CCDC7: variants seen among roughly 807,000 people sequenced by gnomAD.
CCDC7 encodes coiled-coil domain-containing protein 7.
Under a neutral mutation model 196.9 loss-of-function variants are expected in CCDC7, and 183 were observed. The ratio of observed to expected loss-of-function variants is 0.93; its 90% CI spans 0.82 to 1.05. The LOEUF (loss-of-function observed/expected upper bound fraction) is 1.05, where lower values mean the gene tolerates loss of function less well. Among genes scored for constraint, CCDC7 ranks in the 50% least tolerant of loss-of-function variants. The probability of loss-of-function intolerance (pLI) is 0.00; values close to 1 mark genes in which losing one functional copy is unlikely to be tolerated. For missense variants in CCDC7, 1,540 were observed against 1,482.2 expected (o/e 1.04, Z -0.64); for synonymous variants, 525 against 484.6 (o/e 1.08, Z -1.10).
chr10:32,661,443 G>A (rs998128150), intron 20 of CCDC7, among the ~76,000 whole-genome samples: 22 of 152,164 alleles, frequency 1.4e-4, no homozygotes, highest in Non-Finnish European at 2.9e-4. Flanking sequence ...CTTAAGCAGA[G>A]GGAGTTTCTT....
intron 20 of CCDC7, among the ~76,000 whole-genome samples, chr10:32,635,591 C>T (rs1490638781): frequency 6.6e-6 from 1 of 152,088 alleles, no homozygotes; most frequent in Non-Finnish European, 1.5e-5. Flanking sequence ...TCAAGACCAG[C>T]CTGGGCAATG....
chr10:32,621,410 C>A (rs1032307630), intron 18 of CCDC7, among the ~76,000 whole-genome samples: 3 of 152,138 alleles, frequency 2.0e-5, no homozygotes, highest in African/African-American at 7.2e-5. Flanking sequence ...TCTGCTGCCA[C>A]CACTGTATTA....
chr10:32,872,019 A>G (rs1236237045), intron 41 of CCDC7, among the ~76,000 whole-genome samples: 2 of 152,156 alleles, frequency 1.3e-5, no homozygotes, highest in Admixed American at 1.3e-4. Context: ...CTTTACTTCC[A>G]AATATGTGGT....
At position 32,845,768 on chromosome 10, in the gene CCDC7, T is replaced by TACACACACAC. The variant is rs145287806; in HGVS notation, c.3521-90_3521-81dup. ...TTCTTCATGAATACCCTTCCATAAT[T>TACACACACAC]ACACACACACACACACACACACACA... On this transcript the variant is annotated intron_variant, in intron 35 of 41. Transcript: ENST00000639629. 585 of 750,690 alleles carry TACACACACAC rather than the reference T, an allele frequency of 7.8e-4. 1 individual carries two copies. The highest frequency in any genetic ancestry group is 1.5e-3 in the Middle Eastern group (4 of 2,600). The allele number at this position is 750,690 out of a possible 1,614,324, so 46.5% of individuals were successfully genotyped here. A position where few individuals can be genotyped will look rare whatever the true frequency, so the allele number is the denominator to read the frequency against.
intron 21 of CCDC7, among the ~76,000 whole-genome samples, chr10:32,682,581 A>G (rs531843500): frequency 6.6e-6 from 1 of 152,316 alleles, no homozygotes; most frequent in South Asian, 2.1e-4. Context: ...ACTGTTTTCC[A>G]CAGTGGCTGA....
chr10:32,835,487 G>T (rs2092529925), intron 33 of CCDC7, among the ~76,000 whole-genome samples: 1 of 152,078 alleles, frequency 6.6e-6, no homozygotes, highest in South Asian at 2.1e-4. Flanking sequence ...ATACACCATA[G>T]AATACAATGC....
At position 32,558,570 on chromosome 10, in the gene CCDC7, A is replaced by C. The variant is rs142899922; in HGVS notation, c.1135-6988A>C. ...TTTAAATCAGCTACTAGGCACCTTG[A>C]ATGGCTCAGATAGGGATTGCCCTCA... On this transcript the variant is annotated intron_variant, in intron 13 of 41. Coordinates refer to ENST00000639629, the Ensembl canonical transcript of CCDC7. Among the ~76,000 whole-genome samples, 39 of 152,282 alleles carry C rather than the reference A, an allele frequency of 2.6e-4. No homozygotes were observed. The East Asian group carries it at 7.5e-3, about 29-fold the overall frequency.
At chr10:32,802,272 T>A (rs573831724) in intron 29 of CCDC7, among the ~76,000 whole-genome samples, 1 of 152,188 alleles carries the variant, frequency 6.6e-6, no homozygotes, top group Non-Finnish European at 1.5e-5. Context: ...TCACATATGG[T>A]CAAAGGTATT....
upstream of CCDC7, among the ~76,000 whole-genome samples, chr10:32,449,391 T>C (rs2032365127): frequency 6.6e-6 from 1 of 152,164 alleles, no homozygotes; most frequent in Non-Finnish European, 1.5e-5. Context: ...TTTTACCATA[T>C]TGGCCAGGCT....
chr10:32,502,130 T>G (rs7090007), intron 9 of CCDC7, among the ~76,000 whole-genome samples: 66,695 of 152,032 alleles, frequency 0.44, 15,254 homozygotes, highest in East Asian at 0.58. Flanking sequence ...CTAGCAGAGA[T>G]AATTTCAAGC....
intron 28 of CCDC7, among the ~76,000 whole-genome samples, chr10:32,750,447 A>G (rs190267554): frequency 1.3e-5 from 2 of 152,332 alleles, no homozygotes; most frequent in East Asian, 3.9e-4. Context: ...TGAAGAGGAA[A>G]GGAGAAGGAA....
rs143298672 is a variant in CCDC7 at position 32,812,682 on chromosome 10, G to A, written c.3098-1688G>A. On this transcript the variant is annotated intron_variant, in intron 30 of 41. Transcript: ENST00000639629. Reference sequence around the variant, plus strand: ...AGATTTAAAGCAAAGGGAGGATATTGTGAAGGAGAAAGATTGTAACTCTTA... The same window carrying A: ...AGATTTAAAGCAAAGGGAGGATATTATGAAGGAGAAAGATTGTAACTCTTA... Among the ~76,000 whole-genome samples, 176 of 152,238 alleles carry A rather than the reference G, an allele frequency of 1.2e-3. 2 individuals carry two copies. In the East Asian group the frequency reaches 0.022, roughly 19 times the overall value.
Position 32,456,236 on chromosome 10 carries a change from T to C in CCDC7, c.373-15T>C, listed in dbSNP as rs761305863. 1 of 1,516,330 alleles carries C rather than the reference T, an allele frequency of 6.6e-7. No individual in the cohort carries two copies. The highest frequency in any genetic ancestry group is 8.9e-7 in the Non-Finnish European group (1 of 1,117,330). The allele number at this position is 1,516,330 out of a possible 1,614,324, so 93.9% of individuals were successfully genotyped here. ...TCTTAAATGTAACTTTATGTTTTAT[T>C]ATTCTTTTCAAAAGGTTGGGGATGA... On this transcript the variant is annotated splice_polypyrimidine_tract_variant and intron_variant, in intron 2 of 41. Transcript: ENST00000639629.
chr10:32,656,759 A>G (rs947008257), intron 20 of CCDC7, among the ~76,000 whole-genome samples: 3 of 152,256 alleles, frequency 2.0e-5, no homozygotes, highest in Middle Eastern at 3.4e-3. Context: ...TTCAAAACAC[A>G]ATCATGCCCT....
At position 32,669,467 on chromosome 10, in the gene CCDC7, C is replaced by T. The variant is rs143221276; in HGVS notation, c.2122+5306C>T. 2.5e-4 allele frequency among the ~76,000 whole-genome samples: 38 copies of T among 152,144 alleles called. No individual in the cohort carries two copies. In the East Asian group the frequency reaches 6.8e-3, roughly 27 times the overall value. ...CATTTGAGGGGCATTAGCATTAATT[C>T]TTCTTAAAACATTGGGTAGAATTTA... On this transcript the variant is annotated intron_variant, in intron 21 of 41. Transcript: ENST00000639629.
chr10:32,874,849 T>TA (rs1189813492), intron 41 of CCDC7, among the ~76,000 whole-genome samples: 1 of 151,724 alleles, frequency 6.6e-6, no homozygotes, highest in African/African-American at 2.4e-5. Context: ...TTTGGGGTCT[T>TA]AGTCATAAAT....
At chr10:32,773,312 A>G (rs949438983) in intron 28 of CCDC7, among the ~76,000 whole-genome samples, 3 of 152,062 alleles carry the variant, frequency 2.0e-5, no homozygotes, top group Non-Finnish European at 2.9e-5. Flanking sequence ...TGCTGAGGTT[A>G]GCTTATTTGA....
intron 28 of CCDC7, among the ~76,000 whole-genome samples, chr10:32,734,103 A>T (rs1215904921): frequency 1.3e-5 from 2 of 152,226 alleles, no homozygotes; most frequent in African/African-American, 4.8e-5. Context: ...AATATAAATT[A>T]TTCTACCATA....
intron 8 of CCDC7, among the ~76,000 whole-genome samples, chr10:32,488,036 T>G (rs1445590176): frequency 6.6e-6 from 1 of 152,202 alleles, no homozygotes; most frequent in Non-Finnish European, 1.5e-5. Flanking sequence ...ATTTAAGTCT[T>G]CAGAGGATTC....
Sources: allele counts gnomAD v4.1 joint callset (sites outside exome capture counted in the v4.1 genomes callset), GRCh38; gene constraint gnomAD v4.1.1; transcripts MANE v1.5; gene names NCBI Gene and HGNC (gene_info 2026-07-23, HGNC 2026-07-21).